LIPH: variants seen among roughly 807,000 people sequenced by gnomAD.
LIPH encodes the protein lipase member H.
Under a neutral mutation model 47.6 loss-of-function variants are expected in LIPH, and 32 were observed. The observed-to-expected ratio is 0.67, with a 90% confidence interval of 0.51 to 0.90. LIPH has a LOEUF of 0.90. Ranked by LOEUF, LIPH falls within the 40% of genes least tolerant of loss-of-function variation. The pLI, the probability that LIPH is intolerant of heterozygous loss-of-function variation, is 0.00. For missense variants in LIPH, 497 were observed against 541.4 expected, an observed-to-expected ratio of 0.92 and a Z score of 0.81; for synonymous variants, 190 against 195.6, an observed-to-expected ratio of 0.97 and a Z score of 0.24.
At position 185,522,653 on chromosome 3, in the gene LIPH, AG is replaced by A. The variant is rs1319594736; in HGVS notation, c.718+1417del. Among the ~76,000 whole-genome samples, 6 of 13,778 alleles carry A rather than the reference AG, an allele frequency of 4.4e-4. No individual in the cohort carries two copies. The South Asian group carries it at 0.028, about 65-fold the overall frequency. 9.0% of individuals were successfully genotyped at this position (13,778 alleles called of 152,430 possible). On this transcript the variant is annotated intron_variant, in intron 5 of 9. Coordinates refer to ENST00000296252, the MANE Select transcript of LIPH (RefSeq NM_139248.3). ...AAGGAAAAGAAAGAGAGAAAGAAAA[AG>A]AAAGAAAGAAAGAAAGAAAGAAAGA... is the stretch of plus-strand genomic sequence containing the variant.
chr3:185,516,885 T>C (rs546963263), intron 7 of LIPH, among the ~76,000 whole-genome samples, 182 bp downstream of exon 7: 1 of 152,358 alleles, frequency 6.6e-6, no homozygotes, highest in East Asian at 1.9e-4. Context: ...AGAAGTCAAA[T>C]GACTTCACCA....
chr3:185,520,499 A>T (rs1719870347), intron 5 of LIPH, among the ~76,000 whole-genome samples: 1 of 152,048 alleles, frequency 6.6e-6, no homozygotes, highest in South Asian at 2.1e-4. Context: ...CCTGGGCGAT[A>T]GAGCAAGACT....
intron 5 of LIPH, among the ~76,000 whole-genome samples, chr3:185,519,836 CAAAAAAAAAAAAAAAA>C (rs145391972): frequency 1.2e-3 from 64 of 53,832 alleles, no homozygotes; most frequent in African/African-American, 5.1e-3. Flanking sequence ...CACTCCATCT[CAAAAAAAAAAAAAAAA>C]AAAAAAAAAA....
intron 3 of LIPH, 118 bp downstream of exon 3, chr3:185,533,453 G>T (rs1203889819): frequency 1.3e-6 from 1 of 768,402 alleles, no homozygotes. Context: ...CCCACACTCA[G>T]AGAGGTTAGG....
Position 185,508,511 on chromosome 3 carries a change from G to A in LIPH, c.*279C>T, listed in dbSNP as rs1054959273. On this transcript the variant is annotated 3_prime_UTR_variant, in exon 10 of 10. Coordinates refer to ENST00000296252, the MANE Select transcript of LIPH (RefSeq NM_139248.3). ...CGCGTGACAGGCAGCAGAATTGACA[G>A]GTCGGAACAAGGGAGGCCCCAGGAC... The A allele has an allele frequency of 4.6e-6, 2 of 436,066 alleles. No individual in the cohort carries two copies. The highest frequency in any genetic ancestry group is 4.0e-5 in the African/African-American group (2 of 50,224). The allele number at this position is 436,066 out of a possible 1,614,324, so 27.0% of individuals were successfully genotyped here.
At chr3:185,524,933 C>T (rs1424617608) in intron 4 of LIPH, among the ~76,000 whole-genome samples, 3 of 152,052 alleles carry the variant, frequency 2.0e-5, no homozygotes, top group Non-Finnish European at 4.4e-5. Context: ...AAAATGAGGA[C>T]CTAGAAATGT....
intron 1 of LIPH, among the ~76,000 whole-genome samples, chr3:185,541,370 C>A (rs1720703642): frequency 6.7e-6 from 1 of 150,372 alleles, no homozygotes; most frequent in Admixed American, 6.7e-5. Context: ...ACAGTCGATT[C>A]TCATTATTTC....
At position 185,507,368 on chromosome 3, in the gene LIPH, AAGAGAG is replaced by A. The variant is rs59890564; in HGVS notation, c.*1416_*1421del. The A allele has an allele frequency of 8.7e-5, 13 of 149,882 alleles. No individual in the cohort carries two copies. Among genetic ancestry groups the A allele is most frequent in the Non-Finnish European group, 1.5e-4 (10 of 67,224 alleles). 9.3% of individuals were successfully genotyped at this position (149,882 alleles called of 1,614,324 possible). A position where few individuals can be genotyped will look rare whatever the true frequency, so the allele number is the denominator to read the frequency against. On this transcript the variant is annotated 3_prime_UTR_variant, in exon 10 of 10. Coordinates refer to ENST00000296252, the MANE Select transcript of LIPH (RefSeq NM_139248.3). ...GCCTAGGCAACTCCAAAAAAAAAAA[AAGAGAG>A]AGAGAGTCAATTTCTTCATAACAAA... is the stretch of plus-strand genomic sequence containing the variant.
At position 185,527,498 on chromosome 3, in the gene LIPH, T is replaced by A; in HGVS notation, c.614A>T (p.His205Leu). The A allele has an allele frequency of 6.2e-7, 1 of 1,611,994 alleles. No homozygotes were observed. Among genetic ancestry groups the A allele is most frequent in the Non-Finnish European group, 8.5e-7 (1 of 1,178,648 alleles). ...AGGAGCGTTACCATCAGTGTCGGAA[T>A]GGATGACATCAACAAACTGCGCATC... ...PSDAQFVDVI[H>L]SDTDALGYKE... The change falls in exon 4 of 10, where the codon CAT becomes CTT. Residue 205 changes from histidine (H) to leucine (L), a missense_variant. Physicochemically the swap from His to Leu is moderately conservative, Grantham distance 99. Transcript: ENST00000296252.
At chr3:185,518,445 A>G (rs1477045187) in intron 6 of LIPH, among the ~76,000 whole-genome samples, 2 of 151,720 alleles carry the variant, frequency 1.3e-5, no homozygotes, top group Non-Finnish European at 2.9e-5. Context: ...ATGCCCAGCT[A>G]ATTTTTTTGT....
Position 185,552,491 on chromosome 3 carries a change from T to A in LIPH, c.-20A>T. 6.4e-7 allele frequency: 1 copy of A among 1,559,902 alleles called. No homozygotes were observed. Among genetic ancestry groups the A allele is most frequent in the Non-Finnish European group, 8.8e-7 (1 of 1,130,702 alleles). On this transcript the variant is annotated 5_prime_UTR_variant, in exon 1 of 10. Coordinates refer to ENST00000296252, the MANE Select transcript of LIPH (RefSeq NM_139248.3). ...CAACATATGGAAACTGGAGAGATCG[T>A]GTGTCACATTCACAAGAATGATTTA... is the stretch of plus-strand genomic sequence containing the variant.
intron 1 of LIPH, among the ~76,000 whole-genome samples, chr3:185,546,308 T>G (rs908658567): frequency 1.4e-5 from 2 of 147,632 alleles, no homozygotes; most frequent in Non-Finnish European, 3.0e-5. Flanking sequence ...GCCAGGATTG[T>G]GCCACTGCAC....
chr3:185,528,239 AG>A, intron 3 of LIPH, among the ~76,000 whole-genome samples: 2 of 150,826 alleles, frequency 1.3e-5, no homozygotes, highest in African/African-American at 2.4e-5. Flanking sequence ...AGAGAGAGAG[AG>A]AGAGAGAAAG....
At chr3:185,513,329 G>A (rs78090866) in intron 8 of LIPH, among the ~76,000 whole-genome samples, 62,198 of 147,898 alleles carry the variant, frequency 0.42, 13,226 homozygotes, top group Middle Eastern at 0.49. Context: ...ACAGGGCAAG[G>A]CTCTGTCTCA....
At chr3:185,515,308 A>T (rs528374346) in intron 7 of LIPH, among the ~76,000 whole-genome samples, 3,177 of 137,000 alleles carry the variant, frequency 0.023, 74 homozygotes, top group African/African-American at 0.074. Flanking sequence ...GGGTTTTTTT[A>T]AAAAAAAAAA....
At chr3:185,545,472 G>A (rs1334444649) in intron 1 of LIPH, among the ~76,000 whole-genome samples, 2 of 152,162 alleles carry the variant, frequency 1.3e-5, no homozygotes, top group African/African-American at 2.4e-5. Flanking sequence ...TATTGTCCAC[G>A]GCTACTTTCC....
intron 3 of LIPH, among the ~76,000 whole-genome samples, 154 bp from the exon 4 acceptor site, chr3:185,527,739 T>G (rs1474517724): frequency 7.0e-6 from 1 of 143,328 alleles, no homozygotes; most frequent in Non-Finnish European, 1.5e-5. Context: ...AGGACTCCTT[T>G]CCATGGCTCT....
At chr3:185,512,611 C>A (rs565366511) in intron 8 of LIPH, among the ~76,000 whole-genome samples, 2 of 151,172 alleles carry the variant, frequency 1.3e-5, no homozygotes, top group Non-Finnish European at 2.9e-5. Context: ...GCCTCAGCCT[C>A]GCGAGTAGCT....
At chr3:185,534,280 C>T (rs560843990) in intron 2 of LIPH, among the ~76,000 whole-genome samples, 5 of 151,930 alleles carry the variant, frequency 3.3e-5, no homozygotes, top group East Asian at 1.9e-4. Context: ...CGCTTGAACC[C>T]GGTAGGCAAA....
Sources: allele counts gnomAD v4.1 joint callset (sites outside exome capture counted in the v4.1 genomes callset), GRCh38; gene constraint gnomAD v4.1.1; transcripts MANE v1.5; gene names NCBI Gene and HGNC (gene_info 2026-07-23, HGNC 2026-07-21).